GORASP2: variants seen among roughly 807,000 people sequenced by gnomAD.
GORASP2 encodes the protein golgi reassembly stacking protein 2, also known as Golgi reassembly-stacking protein 2.
A neutral mutation model predicts 45.7 loss-of-function variants in GORASP2; 22 were observed. The ratio of observed to expected loss-of-function variants is 0.48; its 90% CI spans 0.34 to 0.69. The LOEUF (loss-of-function observed/expected upper bound fraction) is 0.69, where lower values mean the gene tolerates loss of function less well. Among genes scored for constraint, GORASP2 ranks in the 30% least tolerant of loss-of-function variants. GORASP2 has a pLI of 0.01. For missense variants in GORASP2, 491 were observed against 562.7 expected (o/e 0.87, Z 1.29); for synonymous variants, 221 against 215.6 (o/e 1.02, Z -0.22).
intron 1 of GORASP2, among the ~76,000 whole-genome samples, chr2:170,932,745 T>C (rs1375467538): frequency 6.6e-6 from 1 of 152,238 alleles, no homozygotes; most frequent in Non-Finnish European, 1.5e-5. Flanking sequence ...TCTCCTTTTT[T>C]TCCTGGGCCT....
At chr2:170,951,710 A>G (rs62170033) in intron 5 of GORASP2, 6,005 of 232,782 alleles carry the variant, frequency 0.026, 100 homozygotes, top group Non-Finnish European at 0.038. Context: ...TAATTGAGAA[A>G]TTATTGCGCA....
chr2:170,935,912 T>C (rs1703938751), intron 1 of GORASP2, among the ~76,000 whole-genome samples: 1 of 152,182 alleles, frequency 6.6e-6, no homozygotes, highest in Admixed American at 6.5e-5. Flanking sequence ...GAGGTGTGTT[T>C]TAATGCCTGC....
intron 1 of GORASP2, among the ~76,000 whole-genome samples, chr2:170,941,445 G>T (rs1704075410): frequency 6.6e-6 from 1 of 152,140 alleles, no homozygotes; most frequent in Non-Finnish European, 1.5e-5. Context: ...TTAAAAGAGT[G>T]CACACAAGTG....
chr2:170,935,588 T>TTTC (rs1703931160), intron 1 of GORASP2, among the ~76,000 whole-genome samples: 2 of 145,038 alleles, frequency 1.4e-5, no homozygotes, highest in African/African-American at 2.5e-5. Context: ...TTTTTTTTTT[T>TTTC]TTCTTTTTTT....
chr2:170,936,253 G>A (rs1383119049), intron 1 of GORASP2, among the ~76,000 whole-genome samples: 1 of 146,016 alleles, frequency 6.8e-6, no homozygotes, highest in East Asian at 2.0e-4. Context: ...TTGAAGCAGG[G>A]TCGCACTCTG....
chr2:170,936,712 C>T, intron 1 of GORASP2: 11 of 1,079,958 alleles, frequency 1.0e-5, no homozygotes, highest in Non-Finnish European at 1.4e-5. Flanking sequence ...CCAGCTACTC[C>T]AATCAGGAGA....
rs1704602974 is a variant in GORASP2, at chr2:170,963,075, T to C, written c.1018+129T>C. The C allele has an allele frequency of 4.5e-6, 3 of 662,596 alleles. No homozygotes were observed. The South Asian group carries it at 5.2e-5, about 12-fold the overall frequency. The allele number at this position is 662,596 out of a possible 1,614,324, so 41.0% of individuals were successfully genotyped here. A position where few individuals can be genotyped will look rare whatever the true frequency, so the allele number is the denominator to read the frequency against. The stretch of plus-strand genomic sequence containing the variant: ...AGATTTCAGCTACTTCAAATAAATA[T>C]TCATCTTTTTTGTTTAAAAAGCTTA... On this transcript the variant is annotated intron_variant, in intron 9 of 9. Coordinates refer to ENST00000234160, the MANE Select transcript of GORASP2 (RefSeq NM_015530.5).
chr2:170,936,364 G>A (rs893879413), intron 1 of GORASP2, among the ~76,000 whole-genome samples: 1 of 151,104 alleles, frequency 6.6e-6, no homozygotes, highest in African/African-American at 2.4e-5. Context: ...GTAGCTTACA[G>A]GCATATGCTG....
At chr2:170,950,338 T>C (rs1209778917) in intron 4 of GORASP2, 48 bp downstream of exon 4, 1 of 892,214 alleles carries the variant, frequency 1.1e-6, no homozygotes, top group African/African-American at 1.7e-5. Flanking sequence ...AATTTTCTCA[T>C]TGAGGTTTGA....
chr2:170,949,439 TTTATG>T (rs1425788796), intron 2 of GORASP2, 95 bp from the exon 3 acceptor site: 7 of 747,066 alleles, frequency 9.4e-6, no homozygotes, highest in African/African-American at 8.9e-5. Flanking sequence ...GAATGTTTTA[TTTATG>T]TTGATTATTA....
At chr2:170,953,430 G>A (rs1704348758) in intron 5 of GORASP2, among the ~76,000 whole-genome samples, 2 of 152,158 alleles carry the variant, frequency 1.3e-5, no homozygotes, top group African/African-American at 2.4e-5. Flanking sequence ...CCCAGCTTTT[G>A]GTGGCAGTGG....
At chr2:170,964,703 T>G (rs772829379) in intron 9 of GORASP2, among the ~76,000 whole-genome samples, 27 of 151,950 alleles carry the variant, frequency 1.8e-4, no homozygotes, top group African/African-American at 2.7e-4. Flanking sequence ...AAACTACCAT[T>G]TACTGTCGCA....
At position 170,961,725 on chromosome 2, in the gene GORASP2, A is replaced by T; in HGVS notation, c.886A>T (p.Met296Leu). 6.3e-7 allele frequency: 1 copy of T among 1,590,898 alleles called. No homozygotes were observed. Among genetic ancestry groups the T allele is most frequent in the Non-Finnish European group, 8.6e-7 (1 of 1,158,712 alleles). ...VNQSLTSVPPMNPATTLPGLM... is the reference protein window; with the variant it reads ...VNQSLTSVPPLNPATTLPGLM... ...CCAGTCCCTCACTTCTGTGCCACCA[A>T]TGAATCCAGCTACTACATTACCAGG... The change falls in exon 8 of 10, where the codon ATG becomes TTG. Residue 296 changes from methionine to leucine, a missense_variant. Around this residue, in one of 2 missense-constraint regions of GORASP2, gnomAD observed 297 missense variants for 292.3 expected, o/e 1.02. Transcript: ENST00000234160.
At chr2:170,939,057 T>G (rs1307354281) in intron 1 of GORASP2, among the ~76,000 whole-genome samples, 1 of 152,224 alleles carries the variant, frequency 6.6e-6, no homozygotes, top group Non-Finnish European at 1.5e-5. Flanking sequence ...GCAAGTTTTC[T>G]TTCCCTAAGA....
chr2:170,962,220 A>G (rs1156769314), intron 8 of GORASP2, among the ~76,000 whole-genome samples: 1 of 152,254 alleles, frequency 6.6e-6, no homozygotes, highest in Non-Finnish European at 1.5e-5. Flanking sequence ...TATCCAGCCA[A>G]TAATAATCAA....
chr2:170,966,156 G>C lies in GORASP2; in HGVS notation c.*26G>C. The C allele has an allele frequency of 6.5e-7, 1 of 1,538,594 alleles. No homozygotes were observed. The highest frequency in any genetic ancestry group is 1.1e-5 in the South Asian group (1 of 89,502). On this transcript the variant is annotated 3_prime_UTR_variant, in exon 10 of 10. Coordinates refer to ENST00000234160, the MANE Select transcript of GORASP2 (RefSeq NM_015530.5). ...CTTTGAACCATTCTTTGGAATTGGCGTGGTATATTTAACCACGGGAGCGTG... is the reference window on the plus strand; with the variant it reads ...CTTTGAACCATTCTTTGGAATTGGCCTGGTATATTTAACCACGGGAGCGTG...
At chr2:170,929,044 C>T, upstream of GORASP2, 1 of 336,716 alleles carries the variant, frequency 3.0e-6, no homozygotes, top group Non-Finnish European at 5.4e-6. Flanking sequence ...AAGCGCATTT[C>T]TGTTCTCTCG....
intron 7 of GORASP2, among the ~76,000 whole-genome samples, chr2:170,957,371 A>G (rs4668353): frequency 0.81 from 123,915 of 152,100 alleles, 53,335 homozygotes; most frequent in East Asian, 1. Flanking sequence ...CTGCCTCCCG[A>G]GTTCAAGTGA....
At chr2:170,941,102 G>GT (rs1233868840) in intron 1 of GORASP2, among the ~76,000 whole-genome samples, 3 of 152,160 alleles carry the variant, frequency 2.0e-5, no homozygotes, top group Non-Finnish European at 2.9e-5. Flanking sequence ...TATTGCAGCC[G>GT]TTTTTTCTAG....
Sources: allele counts gnomAD v4.1 joint callset (sites outside exome capture counted in the v4.1 genomes callset), GRCh38; gene constraint gnomAD v4.1.1; regional missense constraint gnomAD v4.1.1; transcripts MANE v1.5; gene names NCBI Gene and HGNC (gene_info 2026-07-23, HGNC 2026-07-21).